TENT4B: variants seen among roughly 807,000 people sequenced by gnomAD.
TENT4B encodes the protein terminal nucleotidyltransferase 4B.
In TENT4B, 10 loss-of-function variants were observed where a neutral mutation model predicts 75.0. The ratio of observed to expected loss-of-function variants is 0.13; its 90% CI spans 0.08 to 0.23. TENT4B has a LOEUF of 0.23. Ranked by LOEUF, TENT4B falls within the 10% of genes least tolerant of loss-of-function variation. The pLI, the probability that TENT4B is intolerant of heterozygous loss-of-function variation, is 1.00. For synonymous variants in TENT4B, 350 were observed against 357.7 expected (o/e 0.98, Z 0.24); for missense variants, 579 against 893.8 (o/e 0.65, Z 4.49).
At chr16:50,167,467 T>C (rs1013340545) in intron 1 of TENT4B, among the ~76,000 whole-genome samples, 3 of 151,996 alleles carry the variant, frequency 2.0e-5, no homozygotes, top group Non-Finnish European at 4.4e-5. Flanking sequence ...TTCATTTTCT[T>C]GATAATGTCT....
chr16:50,217,279 AAAC>A (rs2031609289), intron 4 of TENT4B, among the ~76,000 whole-genome samples: 3 of 152,218 alleles, frequency 2.0e-5, no homozygotes, highest in Middle Eastern at 3.2e-3. Flanking sequence ...CCTTAAATAT[AAAC>A]AATAAAAATA....
chr16:50,225,329 C>G lies in TENT4B; in HGVS notation c.1800+44C>G, dbSNP rs771628888. The G allele has an allele frequency of 1.1e-5, 17 of 1,541,074 alleles. No homozygotes were observed. In the East Asian group the frequency reaches 3.6e-4, roughly 33 times the overall value. On this transcript the variant is annotated intron_variant, in intron 10 of 11. Transcript: ENST00000561678. ...GCTCTTCTGAACTCAGATGCATGCACGTTCTCTTGCTGGGGTTAACACTGT... is the reference window on the plus strand; with the variant it reads ...GCTCTTCTGAACTCAGATGCATGCAGGTTCTCTTGCTGGGGTTAACACTGT...
At chr16:50,226,642 G>A (rs1279758139) in intron 10 of TENT4B, among the ~76,000 whole-genome samples, 3 of 150,956 alleles carry the variant, frequency 2.0e-5, no homozygotes, top group East Asian at 4.0e-4. Context: ...GGTCTTGATC[G>A]CCTGACCTCA....
chr16:50,194,037 T>A (rs1226679612), intron 1 of TENT4B, among the ~76,000 whole-genome samples: 1 of 152,218 alleles, frequency 6.6e-6, no homozygotes, highest in Non-Finnish European at 1.5e-5. Flanking sequence ...TAGAAAAGTC[T>A]GAGCCAGGAT....
chr16:50,197,322 T>C (rs2030334102), intron 1 of TENT4B, among the ~76,000 whole-genome samples: 1 of 152,204 alleles, frequency 6.6e-6, no homozygotes, highest in Admixed American at 6.5e-5. Flanking sequence ...AGAGTCTTGC[T>C]TTGTCACCCA....
At chr16:50,208,744 T>G (rs935393638) in intron 1 of TENT4B, among the ~76,000 whole-genome samples, 3 of 152,186 alleles carry the variant, frequency 2.0e-5, no homozygotes, top group African/African-American at 4.8e-5. Flanking sequence ...TTGTCTTTTT[T>G]TTTTTTGAGA....
In TENT4B at chr16:50,153,992, G is replaced by T; in HGVS notation, c.371G>T (p.Arg124Leu). ...CACCAGCCCGGGGCCTGGGCCCGCC[G>T]GGCGGGCTCCTCGGCGTCCTCGCCT... ...NHHQPGAWAR[R>L]AGSSASSPPS... The change falls in exon 1 of 12, where the codon CGG (arginine) becomes CTG (leucine). Residue 124 changes from arginine (R) to leucine (L), a missense_variant. By Grantham distance (102) the Arg-to-Leu change is moderately radical (BLOSUM62 -2). Around this residue, in one of 7 missense-constraint regions of TENT4B, gnomAD observed 253 missense variants for 270.1 expected, o/e 0.94. Coordinates refer to ENST00000561678, the MANE Select transcript of TENT4B (RefSeq NM_001365324.3). 6.5e-7 allele frequency: 1 copy of T among 1,534,026 alleles called. No homozygotes were observed. The highest frequency in any genetic ancestry group is 1.2e-5 in the South Asian group (1 of 83,860).
chr16:50,152,977 C>CCGGGGAAGCCGAGG (rs1401670209), upstream of TENT4B: 57 of 1,514,008 alleles, frequency 3.8e-5, no homozygotes, highest in Middle Eastern at 7.0e-4. Flanking sequence ...ACGCTCAGCA[C>CCGGGGAAGCCGAGG]CGGGGAAGCC....
At chr16:50,174,395 G>C (rs2038263499) in intron 1 of TENT4B, among the ~76,000 whole-genome samples, 1 of 152,112 alleles carries the variant, frequency 6.6e-6, no homozygotes, top group Admixed American at 6.6e-5. Context: ...ACCATGCCCG[G>C]CTTATTGTTA....
At chr16:50,192,935 A>G (rs1208694628) in intron 1 of TENT4B, among the ~76,000 whole-genome samples, 1 of 152,160 alleles carries the variant, frequency 6.6e-6, no homozygotes, top group Non-Finnish European at 1.5e-5. Flanking sequence ...TTAGCTGGGC[A>G]TGGTGTTATG....
At position 50,211,455 on chromosome 16, in the gene TENT4B, C is replaced by T. The variant is rs1321961919; in HGVS notation, c.762+9C>T. Reference sequence around the variant, plus strand: ...TCTGGCCCAGCGCTGACGTGAGTCCCTTCCTGGGTAGCTTATGCTTCGGAC... The same window carrying T: ...TCTGGCCCAGCGCTGACGTGAGTCCTTTCCTGGGTAGCTTATGCTTCGGAC... On this transcript the variant is annotated intron_variant, in intron 2 of 11. Coordinates refer to ENST00000561678, the MANE Select transcript of TENT4B (RefSeq NM_001365324.3). 3 of 1,561,654 alleles carry T rather than the reference C, an allele frequency of 1.9e-6. No homozygotes were observed. Among genetic ancestry groups the T allele is most frequent in the Admixed American group, 2.2e-5 (1 of 45,648 alleles).
chr16:50,174,742 CTTTTTTTTTT>C (rs35242106), intron 1 of TENT4B, among the ~76,000 whole-genome samples: 5 of 75,824 alleles, frequency 6.6e-5, no homozygotes, highest in African/African-American at 1.9e-4. Context: ...CTCCCCTACT[CTTTTTTTTTT>C]TTTTTTTTTT....
chr16:50,222,220 A>C (rs991432050), intron 5 of TENT4B, 86 bp from the exon 6 acceptor site: 3 of 1,261,876 alleles, frequency 2.4e-6, no homozygotes, highest in Non-Finnish European at 3.2e-6. Flanking sequence ...CAAATTTTAT[A>C]ATGTAAGGAC....
intron 1 of TENT4B, among the ~76,000 whole-genome samples, chr16:50,167,955 C>G (rs1316514663): frequency 6.6e-6 from 1 of 151,992 alleles, no homozygotes; most frequent in Non-Finnish European, 1.5e-5. Context: ...CCACGCCCAG[C>G]CTGTTTTGAG....
At position 50,191,923 on chromosome 16, in the gene TENT4B, A is replaced by C. The variant is rs556705239; in HGVS notation, c.639-19400A>C. Among the ~76,000 whole-genome samples the C allele has an allele frequency of 5.9e-4, 89 of 151,970 alleles. 1 individual carries two copies. The highest frequency in any genetic ancestry group is 3.3e-3 in the South Asian group (16 of 4,810). ...AACAAGAGCAAAACTCCATCTCAAA[A>C]AAACAAACAAACAAACAAAATATAT... On this transcript the variant is annotated intron_variant, in intron 1 of 11. Coordinates refer to ENST00000561678, the MANE Select transcript of TENT4B (RefSeq NM_001365324.3).
chr16:50,231,707 T>A lies in TENT4B; in HGVS notation c.*2379T>A, dbSNP rs1248521126. ...AAAAGAAAAAAGCATGAAGGAGAAA[T>A]TGAGGTGTGTATACATTTCCTCAAA... On this transcript the variant is annotated 3_prime_UTR_variant, in exon 12 of 12. Coordinates refer to ENST00000561678, the MANE Select transcript of TENT4B (RefSeq NM_001365324.3). 8.1e-6 allele frequency: 8 copies of A among 985,754 alleles called. No homozygotes were observed. Among genetic ancestry groups the A allele is most frequent in the Non-Finnish European group, 9.6e-6 (8 of 829,928 alleles). The allele number at this position is 985,754 out of a possible 1,614,324, so 61.1% of individuals were successfully genotyped here. A position where few individuals can be genotyped will look rare whatever the true frequency, so the allele number is the denominator to read the frequency against.
At chr16:50,204,958 A>G (rs771596150) in intron 1 of TENT4B, among the ~76,000 whole-genome samples, 1 of 152,122 alleles carries the variant, frequency 6.6e-6, no homozygotes, top group Admixed American at 6.6e-5. Flanking sequence ...CAGGCTGACC[A>G]CTGAGCTCCT....
chr16:50,200,989 G>C (rs1963764394), intron 1 of TENT4B, among the ~76,000 whole-genome samples: 1 of 151,722 alleles, frequency 6.6e-6, no homozygotes, highest in African/African-American at 2.4e-5. Context: ...TTTTGTAGAG[G>C]TGGGATCTCG....
intron 1 of TENT4B, among the ~76,000 whole-genome samples, chr16:50,181,505 A>G (rs1405654258): frequency 2.8e-5 from 4 of 141,142 alleles, no homozygotes; most frequent in Admixed American, 7.5e-5. Flanking sequence ...GAGTTTCACC[A>G]TGTTGTCCAG....
Sources: allele counts gnomAD v4.1 joint callset (sites outside exome capture counted in the v4.1 genomes callset), GRCh38; gene constraint gnomAD v4.1.1; regional missense constraint gnomAD v4.1.1; transcripts MANE v1.5; gene names NCBI Gene and HGNC (gene_info 2026-07-23, HGNC 2026-07-21).